EMSY: variants seen among roughly 807,000 people sequenced by gnomAD.
EMSY encodes the protein BRCA2-interacting transcriptional repressor EMSY.
EMSY carries 26 observed loss-of-function variants against 134.6 expected under a neutral mutation model. That is an observed-to-expected ratio of 0.19 (90% CI 0.14 to 0.27). EMSY has a LOEUF of 0.27. Among genes scored for constraint, EMSY ranks in the 10% least tolerant of loss-of-function variants. The probability of loss-of-function intolerance (pLI) is 1.00; values close to 1 mark genes in which losing one functional copy is unlikely to be tolerated. For synonymous variants in EMSY, 579 were observed against 577.8 expected (o/e 1.00, Z -0.03); for missense variants, 1,305 against 1,611.4 (o/e 0.81, Z 3.26).
intron 8 of EMSY, among the ~76,000 whole-genome samples, chr11:76,477,834 A>C (rs866523756): frequency 1.3e-5 from 2 of 151,976 alleles, no homozygotes; most frequent in African/African-American, 4.8e-5. Flanking sequence ...TCCACTTTTT[A>C]TTCTGCCTGT....
chr11:76,478,397 G>A (rs1168027506), intron 8 of EMSY, among the ~76,000 whole-genome samples: 1 of 145,234 alleles, frequency 6.9e-6, no homozygotes, highest in African/African-American at 2.6e-5. Context: ...ACGCTGGAGT[G>A]CAGTGGTGCG....
At chr11:76,523,254 C>T (rs147127421) in exon 12 of EMSY, 10 of 1,613,318 alleles carry the variant, frequency 6.2e-6, no homozygotes, top group South Asian at 1.1e-5. Flanking sequence ...CAAGGCCTCC[C>T]GGGCAAAAAT....
chr11:76,546,098 T>C (rs1951638364), exon 20 of EMSY: 2 of 1,613,878 alleles, frequency 1.2e-6, no homozygotes, highest in South Asian at 1.1e-5. Context: ...TCCACCCACA[T>C]GGTGGTGGCA....
intron 17 of EMSY, 92 bp from the exon 19 acceptor site, chr11:76,542,124 A>G (rs1951461039): frequency 6.7e-7 from 1 of 1,500,978 alleles, no homozygotes; most frequent in Non-Finnish European, 9.3e-7. Flanking sequence ...TCTTTCTGTG[A>G]TACAAGCTCA....
At chr11:76,473,311 T>TC (rs1317313672) in intron 8 of EMSY, among the ~76,000 whole-genome samples, 1 of 151,916 alleles carries the variant, frequency 6.6e-6, no homozygotes, top group Non-Finnish European at 1.5e-5. Flanking sequence ...TCTTTTCTTT[T>TC]TTTTTTTCTC....
At chr11:76,498,267 A>G (rs1373494826) in intron 9 of EMSY, among the ~76,000 whole-genome samples, 2 of 152,146 alleles carry the variant, frequency 1.3e-5, no homozygotes, top group Admixed American at 6.5e-5. Context: ...TGGGTGGTCC[A>G]TGGTGCTCGT....
At chr11:76,480,340 T>C (rs1292961184) in intron 8 of EMSY, among the ~76,000 whole-genome samples, 4 of 152,320 alleles carry the variant, frequency 2.6e-5, no homozygotes, top group Non-Finnish European at 5.9e-5. Flanking sequence ...TCTGTTATTA[T>C]GGTAACAAAA....
intron 8 of EMSY, among the ~76,000 whole-genome samples, chr11:76,490,659 C>T (rs1949381223): frequency 6.6e-6 from 1 of 151,980 alleles, no homozygotes; most frequent in Non-Finnish European, 1.5e-5. Context: ...AATCTTTTTG[C>T]TTCAAACTGG....
At chr11:76,458,904 TGA>T (rs1947989205) in intron 5 of EMSY, 1 of 152,298 alleles carries the variant, frequency 6.6e-6, no homozygotes, top group Non-Finnish European at 1.5e-5. Context: ...ATATTAAATT[TGA>T]GAGAGCATAT....
chr11:76,503,300 CAAAAAAAAAAA>C (rs61098325), intron 9 of EMSY, among the ~76,000 whole-genome samples: 1 of 70,796 alleles, frequency 1.4e-5, no homozygotes, highest in South Asian at 6.5e-4. Context: ...GGCGTGGTCT[CAAAAAAAAAAA>C]AAAAAAAAAA....
At chr11:76,450,462 A>G (rs1456301715) in intron 2 of EMSY, among the ~76,000 whole-genome samples, 2 of 151,792 alleles carry the variant, frequency 1.3e-5, no homozygotes, top group Admixed American at 6.6e-5. Flanking sequence ...GTTTAAACTT[A>G]GGGTCATTTG....
intron 8 of EMSY, among the ~76,000 whole-genome samples, chr11:76,483,524 C>T (rs1245147498): frequency 6.6e-6 from 1 of 152,086 alleles, no homozygotes; most frequent in Non-Finnish European, 1.5e-5. Flanking sequence ...ATGTGAAAGA[C>T]ACACATAGGC....
chr11:76,510,605 A>G (rs1046276510), intron 9 of EMSY, among the ~76,000 whole-genome samples: 4 of 152,194 alleles, frequency 2.6e-5, no homozygotes, highest in African/African-American at 7.2e-5. Context: ...GGCAAGGGCT[A>G]TCAGTACTTC....
intron 14 of EMSY, among the ~76,000 whole-genome samples, chr11:76,530,701 T>G (rs1284746408): frequency 6.6e-6 from 1 of 152,172 alleles, no homozygotes; most frequent in African/African-American, 2.4e-5. Flanking sequence ...GCCCCTCCCC[T>G]TATCGCCTTG....
At chr11:76,471,282 T>G (rs1252919565) in intron 7 of EMSY, among the ~76,000 whole-genome samples, 3 of 152,136 alleles carry the variant, frequency 2.0e-5, no homozygotes, top group African/African-American at 7.2e-5. Context: ...AGTACAGAGT[T>G]CTCATATACT....
chr11:76,540,565 A>T (rs1025262320), intron 17 of EMSY, among the ~76,000 whole-genome samples: 3 of 152,286 alleles, frequency 2.0e-5, no homozygotes, highest in Non-Finnish European at 2.9e-5. Flanking sequence ...TATAGCAACA[A>T]TAGAAACACT....
intron 20 of EMSY, among the ~76,000 whole-genome samples, chr11:76,549,309 T>C (rs1490295988): frequency 1.3e-5 from 2 of 152,044 alleles, no homozygotes; most frequent in African/African-American, 2.4e-5. Context: ...GTGAGTACAA[T>C]AGGAAACAAT....
intron 18 of EMSY, among the ~76,000 whole-genome samples, chr11:76,542,753 G>GTTTTTTTTTTTTTTTTTTTTTTTTTT: frequency 9.2e-6 from 1 of 109,258 alleles, no homozygotes; most frequent in Non-Finnish European, 1.9e-5. Context: ...TTCGTTTTTT[G>GTTTTTTTTTTTTTTTTTTTTTTTTTT]TTTTTTTTTT....
Position 76,452,000 on chromosome 11 carries a change from T to C in EMSY, c.170+43T>C, listed in dbSNP as rs746880198. ...TTTGTGAGACTCTAGAAATTTCATT[T>C]TGGGGGATTTTATTACTTATCACTC... On this transcript the variant is annotated intron_variant, in intron 3 of 20. Coordinates refer to ENST00000334736, the Ensembl canonical transcript of EMSY. 3.9e-6 allele frequency: 5 copies of C among 1,284,952 alleles called. No homozygotes were observed. In the East Asian group the frequency reaches 1.0e-4, roughly 26 times the overall value. 79.6% of individuals were successfully genotyped at this position (1,284,952 alleles called of 1,614,324 possible).
Sources: gnomAD v4.1 joint callset for allele counts (sites outside exome capture counted in the v4.1 genomes callset) on GRCh38, gnomAD v4.1.1 for gene constraint, MANE v1.5 for transcripts, NCBI Gene and HGNC (gene_info 2026-07-23, HGNC 2026-07-21) for gene names.